Variants in PTPRD observed in about 807,000 individuals in gnomAD.
The protein encoded by PTPRD is receptor-type tyrosine-protein phosphatase delta.
Under a neutral mutation model 214.5 loss-of-function variants are expected in PTPRD, and 34 were observed. That is an observed-to-expected ratio of 0.16 (90% confidence interval 0.12 to 0.21). The LOEUF (loss-of-function observed/expected upper bound fraction) is 0.21. Among genes scored for constraint, PTPRD ranks in the 10% least tolerant of loss-of-function variants. The probability of loss-of-function intolerance (pLI) is 1.00; values close to 1 mark genes in which losing one functional copy is unlikely to be tolerated. For synonymous variants in PTPRD, 1,128 were observed against 845.7 expected, an observed-to-expected ratio of 1.33 and a Z score of -5.79; for missense variants, 2,545 against 2,398.7, an observed-to-expected ratio of 1.06 and a Z score of -1.27.
intron 3 of PTPRD, among the ~76,000 whole-genome samples, chr9:10,127,844 T>C (rs759796380): frequency 1.3e-5 from 2 of 152,170 alleles, no homozygotes; most frequent in Non-Finnish European, 2.9e-5. Flanking sequence ...AGTGGAAGTT[T>C]TTAAATTCTG....
chr9:9,935,757 C>G (rs995665957), intron 5 of PTPRD, among the ~76,000 whole-genome samples: 1 of 149,144 alleles, frequency 6.7e-6, no homozygotes, highest in African/African-American at 2.6e-5. Flanking sequence ...AAAAAAAAAG[C>G]CCGCATTGCC....
chr9:9,185,335 G>A (rs1263563821), intron 9 of PTPRD, among the ~76,000 whole-genome samples: 2 of 151,950 alleles, frequency 1.3e-5, no homozygotes, highest in African/African-American at 4.8e-5. Flanking sequence ...ATTCATTACT[G>A]ACACTTCTCT....
rs145801233 is a variant in PTPRD, at chr9:9,426,798, A to G, written c.-236-29316T>C. Among the ~76,000 whole-genome samples, 1,310 of 152,188 alleles carry G rather than the reference A, an allele frequency of 8.6e-3. 13 individuals are homozygous for G. The highest frequency in any genetic ancestry group is 0.028 in the African/African-American group (1,178 of 41,532). On this transcript the variant is annotated intron_variant, in intron 8 of 45. Coordinates refer to ENST00000381196, the MANE Select transcript of PTPRD (RefSeq NM_002839.4). ...GCTGGTGATACCCAGGCAAACAGGG[A>G]CTGGAGTGGACCTCCAGCAAACTCT...
At chr9:9,572,601 G>GTA (rs138236904) in intron 8 of PTPRD, among the ~76,000 whole-genome samples, 80 of 145,384 alleles carry the variant, frequency 5.5e-4, no homozygotes, top group African/African-American at 1.5e-3. Flanking sequence ...ATGTATATGT[G>GTA]TATATATATA....
chr9:9,988,584 A>T (rs957929719), intron 4 of PTPRD, among the ~76,000 whole-genome samples: 1 of 152,182 alleles, frequency 6.6e-6, no homozygotes, highest in Non-Finnish European at 1.5e-5. Context: ...TAAATGTATC[A>T]TTAGTGCTGA....
intron 10 of PTPRD, among the ~76,000 whole-genome samples, chr9:9,134,554 T>C (rs2099848015): frequency 1.3e-5 from 2 of 152,212 alleles, no homozygotes; most frequent in South Asian, 2.1e-4. Context: ...TGGTACCACA[T>C]CTCTTTCCAC....
chr9:9,559,042 T>G (rs934744917), intron 8 of PTPRD, among the ~76,000 whole-genome samples: 3 of 151,904 alleles, frequency 2.0e-5, no homozygotes, highest in Non-Finnish European at 4.4e-5. Context: ...TCCGGGGGGG[T>G]AGCTATCCAT....
intron 11 of PTPRD, among the ~76,000 whole-genome samples, chr9:8,748,080 C>T (rs746129678): frequency 6.6e-6 from 1 of 152,190 alleles, no homozygotes; most frequent in African/African-American, 2.4e-5. Context: ...GGCACCCCTC[C>T]TGAGGAAATC....
chr9:9,929,611 C>G (rs1183219722), intron 5 of PTPRD, among the ~76,000 whole-genome samples: 1 of 152,142 alleles, frequency 6.6e-6, no homozygotes, highest in Non-Finnish European at 1.5e-5. Flanking sequence ...CCAGGATAGT[C>G]TCAATCTCTT....
intron 9 of PTPRD, among the ~76,000 whole-genome samples, chr9:9,356,539 G>A (rs1234070510): frequency 2.0e-5 from 3 of 151,222 alleles, no homozygotes; most frequent in Non-Finnish European, 4.4e-5. Context: ...TACTAAATAA[G>A]GCCAGCTTTT....
chr9:8,936,427 CAAAAAAAA>C lies in PTPRD; in HGVS notation c.-104+82262_-104+82269del, dbSNP rs1181403459. On this transcript the variant is annotated intron_variant, in intron 11 of 45. Coordinates refer to ENST00000381196, the MANE Select transcript of PTPRD (RefSeq NM_002839.4). The stretch of plus-strand genomic sequence containing the variant: ...AGGCAACAGAGCAAGACCCTGCCTC[CAAAAAAAA>C]AAAAAAAAAAAAAAAGAAGATGAAA... 7.4e-3 allele frequency among the ~76,000 whole-genome samples: 234 copies of C among 31,662 alleles called. 5 individuals are homozygous for C. Among genetic ancestry groups the C allele is most frequent in the Middle Eastern group, 0.045 (1 of 22 alleles). The allele number at this position is 31,662 out of a possible 152,430, so 20.8% of individuals were successfully genotyped here. A position where few individuals can be genotyped will look rare whatever the true frequency, so the allele number is the denominator to read the frequency against.
intron 14 of PTPRD, among the ~76,000 whole-genome samples, chr9:8,605,534 A>C (rs1247783395): frequency 6.6e-6 from 1 of 152,198 alleles, no homozygotes; most frequent in Non-Finnish European, 1.5e-5. Flanking sequence ...GAAAACAAAC[A>C]TGGGTTTACT....
At chr9:9,259,831 C>A (rs760816196) in intron 9 of PTPRD, among the ~76,000 whole-genome samples, 2 of 151,832 alleles carry the variant, frequency 1.3e-5, no homozygotes, top group Non-Finnish European at 2.9e-5. Context: ...GAACTCTGAC[C>A]TAAGGTCCCA....
chr9:10,589,248 G>C (rs1032494007), intron 2 of PTPRD, among the ~76,000 whole-genome samples: 1 of 152,034 alleles, frequency 6.6e-6, no homozygotes, highest in African/African-American at 2.4e-5. Context: ...GAGAAACCTT[G>C]TTATCAAGAG....
chr9:9,095,239 C>T (rs1474911424), intron 10 of PTPRD, among the ~76,000 whole-genome samples: 3 of 152,094 alleles, frequency 2.0e-5, no homozygotes, highest in African/African-American at 7.2e-5. Flanking sequence ...CAACATACTG[C>T]AAGTCTTAGC....
intron 3 of PTPRD, among the ~76,000 whole-genome samples, chr9:10,207,586 T>C (rs993013623): frequency 5.3e-5 from 8 of 151,980 alleles, no homozygotes; most frequent in Non-Finnish European, 8.8e-5. Context: ...CTAATGAAAA[T>C]ATTAGCCCCA....
chr9:9,121,694 G>A (rs1044395980), intron 10 of PTPRD, among the ~76,000 whole-genome samples: 9 of 152,184 alleles, frequency 5.9e-5, no homozygotes, highest in Admixed American at 5.2e-4. Flanking sequence ...GGGGGCGAGG[G>A]ATAAAAGACA....
chr9:10,290,634 AT>A (rs1395483775), intron 3 of PTPRD, among the ~76,000 whole-genome samples: 1 of 152,100 alleles, frequency 6.6e-6, no homozygotes, highest in Non-Finnish European at 1.5e-5. Flanking sequence ...TCCTTACATT[AT>A]TTTTATTTTT....
chr9:8,454,963 A>G (rs2096126458), intron 33 of PTPRD, among the ~76,000 whole-genome samples: 1 of 152,176 alleles, frequency 6.6e-6, no homozygotes, highest in East Asian at 1.9e-4. Flanking sequence ...TGCTATGAGA[A>G]AACTAATGTA....
Sources: gnomAD v4.1 joint callset for allele counts (sites outside exome capture counted in the v4.1 genomes callset) on GRCh38, gnomAD v4.1.1 for gene constraint, MANE v1.5 for transcripts, NCBI Gene and HGNC (gene_info 2026-07-23, HGNC 2026-07-21) for gene names.